Variants in BCL11A observed in about 807,000 individuals in gnomAD.
BCL11A encodes the protein B cell CLL/lymphoma 11A.
BCL11A carries 2 observed loss-of-function variants against 55.9 expected under a neutral mutation model. The ratio of observed to expected loss-of-function variants is 0.04; its 90% CI spans 0.01 to 0.11. The LOEUF is 0.11. Ranked by LOEUF, BCL11A falls within the 10% of genes least tolerant of loss-of-function variation. The pLI, the probability that BCL11A is intolerant of heterozygous loss-of-function variation, is 1.00. For synonymous variants in BCL11A, 465 were observed against 473.4 expected (o/e 0.98, Z 0.23); for missense variants, 817 against 1,137.1 (o/e 0.72, Z 4.05).
chr2:60,460,336 C>T lies in BCL11A; in HGVS notation c.*68G>A. On this transcript the variant is annotated 3_prime_UTR_variant, in exon 4 of 4. Transcript: ENST00000642384. Reference sequence around the variant, plus strand: ...TCCTACAGGGAGTGGGGCTGGAGGGCGATGGGGAAGGGGAGTGGTGAAAAA... The same window carrying T: ...TCCTACAGGGAGTGGGGCTGGAGGGTGATGGGGAAGGGGAGTGGTGAAAAA... 6.5e-7 allele frequency: 1 copy of T among 1,529,660 alleles called. No individual in the cohort carries two copies. The highest frequency in any genetic ancestry group is 8.8e-7 in the Non-Finnish European group (1 of 1,135,560). 94.8% of individuals were successfully genotyped at this position (1,529,660 alleles called of 1,614,324 possible).
At chr2:60,503,523 T>G (rs546290086) in intron 2 of BCL11A, among the ~76,000 whole-genome samples, 1 of 152,322 alleles carries the variant, frequency 6.6e-6, no homozygotes, top group African/African-American at 2.4e-5. Flanking sequence ...TCCATTAGAT[T>G]GCCCAAATCT....
intron 1 of BCL11A, among the ~76,000 whole-genome samples, chr2:60,548,937 TC>T (rs931570411): frequency 9.2e-5 from 14 of 152,262 alleles, no homozygotes; most frequent in African/African-American, 3.4e-4. Context: ...TAATGCAAAT[TC>T]CCCTTTCCCT....
chr2:60,484,422 C>T (rs1385797707), intron 2 of BCL11A: 1 of 152,252 alleles, frequency 6.6e-6, no homozygotes, highest in Non-Finnish European at 1.5e-5. Context: ...CATCTTCTCT[C>T]TCTTTAGTCC....
In BCL11A at chr2:60,457,567, A is replaced by G. The variant is rs1675996606; in HGVS notation, c.*2837T>C. 1.9e-6 allele frequency: 2 copies of G among 1,046,962 alleles called. No homozygotes were observed. Among genetic ancestry groups the G allele is most frequent in the Non-Finnish European group, 2.3e-6 (2 of 867,522 alleles). 64.9% of individuals were successfully genotyped at this position (1,046,962 alleles called of 1,614,324 possible). On this transcript the variant is annotated 3_prime_UTR_variant, in exon 4 of 4. Transcript: ENST00000642384. ...TGCCATTTACAAAAAAGTATTGACT[A>G]AAGCGGGCTTTCTCTTTAATATGCT... is the stretch of plus-strand genomic sequence containing the variant.
intron 2 of BCL11A, among the ~76,000 whole-genome samples, chr2:60,540,946 TTGTGTG>T (rs368895286): frequency 0.012 from 1,653 of 140,266 alleles, 9 homozygotes; most frequent in African/African-American, 0.02. Context: ...AGCACTGGTT[TTGTGTG>T]TGTGTGTGTG....
chr2:60,552,837 C>A, intron 1 of BCL11A, among the ~76,000 whole-genome samples: 1 of 151,910 alleles, frequency 6.6e-6, no homozygotes, highest in East Asian at 1.9e-4. Context: ...CCCAGGTTTG[C>A]ATGTGAGTTG....
rs140538193 is a variant in BCL11A at position 60,460,782 on chromosome 2, G to C, written c.2130C>G (p.Ile710Met). The C allele has an allele frequency of 4.3e-6, 7 of 1,613,282 alleles. No homozygotes were observed. The highest frequency in any genetic ancestry group is 5.9e-6 in the Non-Finnish European group (7 of 1,180,036). Residue 710 changes from isoleucine (I) to methionine (M), a missense_variant, in exon 4 of 4, where the codon ATC becomes ATG. Coordinates refer to ENST00000642384, the MANE Select transcript of BCL11A (RefSeq NM_022893.4). Reference protein sequence around the residue: ...STPPGELDGGISGRSGTGSGG... With the variant: ...STPPGELDGGMSGRSGTGSGG... Reference sequence around the variant, plus strand: ...CACTTCCCGTGCCGCTGCGCCCCGAGATCCCTCCGTCCAGCTCCCCGGGCG... The same window carrying C: ...CACTTCCCGTGCCGCTGCGCCCCGACATCCCTCCGTCCAGCTCCCCGGGCG...
chr2:60,503,916 C>G (rs954440407), intron 2 of BCL11A, among the ~76,000 whole-genome samples: 2 of 151,904 alleles, frequency 1.3e-5, no homozygotes, highest in African/African-American at 4.8e-5. Flanking sequence ...TTCGTTGATT[C>G]TAGAAAAAAA....
intron 3 of BCL11A, among the ~76,000 whole-genome samples, chr2:60,466,132 G>C (rs1676594225): frequency 6.6e-6 from 1 of 152,196 alleles, no homozygotes; most frequent in Admixed American, 6.5e-5. Flanking sequence ...AGCAAACTAT[G>C]TACCCTCCCT....
intron 2 of BCL11A, among the ~76,000 whole-genome samples, chr2:60,511,488 T>G (rs1298746297): frequency 6.6e-6 from 1 of 152,254 alleles, no homozygotes; most frequent in African/African-American, 2.4e-5. Flanking sequence ...GGCCACTTGT[T>G]ACCATGTTTC....
At chr2:60,451,561 T>C (rs1235090242) in exon 5 of BCL11A, 1 of 231,546 alleles carries the variant, frequency 4.3e-6, no homozygotes. Context: ...CTCCTATAAT[T>C]TCCCCCCTCT....
In BCL11A at chr2:60,460,114, A is replaced by C. The variant is rs1676150464; in HGVS notation, c.*290T>G. The C allele has an allele frequency of 1.4e-5, 16 of 1,139,924 alleles. No individual in the cohort carries two copies. Among genetic ancestry groups the C allele is most frequent in the Non-Finnish European group, 1.6e-5 (15 of 929,444 alleles). 70.6% of individuals were successfully genotyped at this position (1,139,924 alleles called of 1,614,324 possible). On this transcript the variant is annotated 3_prime_UTR_variant, in exon 4 of 4. Transcript: ENST00000642384. The stretch of plus-strand genomic sequence containing the variant: ...GAGAAAGGCTCAAAGTTTGCGTAAA[A>C]TGCAATAGTATTGCCCCATACAGAT...
rs373924829 is a variant in BCL11A, at chr2:60,461,329, C to A, written c.1583G>T (p.Ser528Ile). The change falls in exon 4 of 4, where the codon AGC (serine) becomes ATC (isoleucine). Residue 528 changes from serine to isoleucine, a missense_variant. Ser to Ile is a moderately radical substitution (Grantham distance 142). Transcript: ENST00000642384. ...SLEAARHHEN[S>I]SRGAVVGVGD... is the part of the protein sequence containing the mutation. ...CACGCCCACGACCGCGCCCCGCGAG[C>A]TGTTCTCGTGGTGGCGCGCCGCCTC... 279 of 1,597,186 alleles carry A rather than the reference C, an allele frequency of 1.7e-4. No homozygotes were observed. Among genetic ancestry groups the A allele is most frequent in the Middle Eastern group, 5.0e-4 (3 of 5,956 alleles).
chr2:60,458,566 A>T lies in BCL11A; in HGVS notation c.*1838T>A. 1 of 1,037,650 alleles carries T rather than the reference A, an allele frequency of 9.6e-7. No homozygotes were observed. The highest frequency in any genetic ancestry group is 1.2e-6 in the Non-Finnish European group (1 of 861,540). 64.3% of individuals were successfully genotyped at this position (1,037,650 alleles called of 1,614,324 possible). On this transcript the variant is annotated 3_prime_UTR_variant, in exon 4 of 4. Transcript: ENST00000642384. ...AGCGCTTGCAATGTTGCGTCCAAGT[A>T]AGTAAGCTCAATAGTCAAGTAAATG...
intron 2 of BCL11A, among the ~76,000 whole-genome samples, chr2:60,509,469 A>C (rs1679856014): frequency 6.6e-6 from 1 of 152,244 alleles, no homozygotes; most frequent in African/African-American, 2.4e-5. Context: ...CGTGGCAGTG[A>C]GAGTCCTGAG....
chr2:60,489,026 C>T (rs1678460129), intron 2 of BCL11A, among the ~76,000 whole-genome samples: 1 of 152,272 alleles, frequency 6.6e-6, no homozygotes, highest in Non-Finnish European at 1.5e-5. Context: ...TCCCAAAGTG[C>T]TGGGATTATA....
Position 60,458,598 on chromosome 2 carries a change from A to G in BCL11A, c.*1806T>C, listed in dbSNP as rs1676058056. ...CTCAATAGTCAAGTAAATGGCTGGCAAAGTTTTTTTTTTTTTAGTTTTTAA... is the reference window on the plus strand; with the variant it reads ...CTCAATAGTCAAGTAAATGGCTGGCGAAGTTTTTTTTTTTTTAGTTTTTAA... On this transcript the variant is annotated 3_prime_UTR_variant, in exon 4 of 4. Transcript: ENST00000642384. 9.6e-7 allele frequency: 1 copy of G among 1,037,442 alleles called. No homozygotes were observed. Among genetic ancestry groups the G allele is most frequent in the South Asian group, 4.6e-5 (1 of 21,732 alleles). The allele number at this position is 1,037,442 out of a possible 1,614,324, so 64.3% of individuals were successfully genotyped here.
At chr2:60,453,615 TAA>T (rs1675816010), downstream of BCL11A, among the ~76,000 whole-genome samples, 1 of 152,234 alleles carries the variant, frequency 6.6e-6, no homozygotes. Flanking sequence ...AGTCCAGCGC[TAA>T]GTCACTGTCG....
chr2:60,489,717 C>T (rs1464872015), intron 2 of BCL11A, among the ~76,000 whole-genome samples: 1 of 152,182 alleles, frequency 6.6e-6, no homozygotes, highest in African/African-American at 2.4e-5. Flanking sequence ...CCTGAGCCCC[C>T]GGGCCGTTCT....
Sources: allele counts gnomAD v4.1 joint callset (sites outside exome capture counted in the v4.1 genomes callset), GRCh38; gene constraint gnomAD v4.1.1; transcripts MANE v1.5; gene names NCBI Gene and HGNC (gene_info 2026-07-23, HGNC 2026-07-21).